The following FBXO30 variants were observed in gnomAD, a reference collection of about 807,000 sequenced individuals.
FBXO30 encodes F-box only protein 30.
Under a neutral mutation model 58.1 loss-of-function variants are expected in FBXO30, and 21 were observed. That is an observed-to-expected ratio of 0.36 (90% confidence interval 0.26 to 0.52). FBXO30 has a LOEUF of 0.52. Among genes scored for constraint, FBXO30 ranks in the 20% least tolerant of loss-of-function variants. The pLI, the probability that FBXO30 is intolerant of heterozygous loss-of-function variation, is 0.93. For synonymous variants in FBXO30, 309 were observed against 312.4 expected (o/e 0.99, Z 0.11); for missense variants, 744 against 897.3 (o/e 0.83, Z 2.18).
rs1336561809 is a variant in FBXO30 at position 145,811,054 on chromosome 6, T to C, written c.-17+3549A>G. Reference sequence around the variant, plus strand: ...AATACTAGTGACAACTCTAAGTAAGTCATCATTCTGTATAATATCTATTTC... The same window carrying C: ...AATACTAGTGACAACTCTAAGTAAGCCATCATTCTGTATAATATCTATTTC... On this transcript the variant is annotated intron_variant, in intron 1 of 2. Coordinates refer to ENST00000237281, the MANE Select transcript of FBXO30 (RefSeq NM_032145.5). Among the ~76,000 whole-genome samples, 3 of 152,208 alleles carry C rather than the reference T, an allele frequency of 2.0e-5. No individual in the cohort carries two copies. The East Asian group carries it at 5.8e-4, about 29-fold the overall frequency.
Position 145,797,630 on chromosome 6 carries a change from C to G in FBXO30, c.*2476G>C, listed in dbSNP as rs1480988794. On this transcript the variant is annotated 3_prime_UTR_variant, in exon 3 of 3. Coordinates refer to ENST00000237281, the MANE Select transcript of FBXO30 (RefSeq NM_032145.5). ...TGGTCCAAGGACCACACTTTAGGAACCACTGCTGTAAGATCTGTGAGTCTC... is the reference window on the plus strand; with the variant it reads ...TGGTCCAAGGACCACACTTTAGGAAGCACTGCTGTAAGATCTGTGAGTCTC... 6.6e-6 allele frequency: 1 copy of G among 151,914 alleles called. No individual in the cohort carries two copies. Among genetic ancestry groups the G allele is most frequent in the Non-Finnish European group, 1.5e-5 (1 of 67,936 alleles). The allele number at this position is 151,914 out of a possible 1,614,324, so 9.4% of individuals were successfully genotyped here. A position where few individuals can be genotyped will look rare whatever the true frequency, so the allele number is the denominator to read the frequency against.
chr6:145,799,443 G>A lies in FBXO30; in HGVS notation c.*663C>T, dbSNP rs937985893. 6.6e-6 allele frequency: 1 copy of A among 151,996 alleles called. No homozygotes were observed. The highest frequency in any genetic ancestry group is 2.4e-5 in the African/African-American group (1 of 41,352). 9.4% of individuals were successfully genotyped at this position (151,996 alleles called of 1,614,324 possible). A position where few individuals can be genotyped will look rare whatever the true frequency, so the allele number is the denominator to read the frequency against. On this transcript the variant is annotated 3_prime_UTR_variant, in exon 3 of 3. Transcript: ENST00000237281. ...ATATAACACACTGCGATGAGTCTTCGGATGTGGCATCTAACAAAAAAGAAA... is the reference window on the plus strand; with the variant it reads ...ATATAACACACTGCGATGAGTCTTCAGATGTGGCATCTAACAAAAAAGAAA...
rs947576848 is a variant in FBXO30, at chr6:145,796,024, C to T, written c.*4082G>A. On this transcript the variant is annotated 3_prime_UTR_variant, in exon 3 of 3. Transcript: ENST00000237281. ...ATCCTAGGCAACATTTTCCAAATTT[C>T]CTTACATCTAAACATCTCTTTTCTT... The T allele has an allele frequency of 7.2e-5, 11 of 151,924 alleles. No homozygotes were observed. The East Asian group carries it at 1.2e-3, about 16-fold the overall frequency. 9.4% of individuals were successfully genotyped at this position (151,924 alleles called of 1,614,324 possible).
At position 145,797,958 on chromosome 6, in the gene FBXO30, C is replaced by T. The variant is rs929013940; in HGVS notation, c.*2148G>A. On this transcript the variant is annotated 3_prime_UTR_variant, in exon 3 of 3. Transcript: ENST00000237281. Reference sequence around the variant, plus strand: ...AGAAACTCTTCCGCCTTTCAGTGCACCTAGGTGGTATTACTTTCGAGACAC... The same window carrying T: ...AGAAACTCTTCCGCCTTTCAGTGCATCTAGGTGGTATTACTTTCGAGACAC... 14 of 151,928 alleles carry T rather than the reference C, an allele frequency of 9.2e-5. No homozygotes were observed. Among genetic ancestry groups the T allele is most frequent in the Admixed American group, 8.5e-4 (13 of 15,230 alleles). 9.4% of individuals were successfully genotyped at this position (151,928 alleles called of 1,614,324 possible).
rs777990597 is a variant in FBXO30, at chr6:145,805,882, T to G, written c.524A>C (p.Asp175Ala). The G allele has an allele frequency of 1.1e-5, 17 of 1,613,940 alleles. No homozygotes were observed. The South Asian group carries it at 1.9e-4, about 18-fold the overall frequency. Residue 175 changes from aspartate to alanine, a missense_variant, in exon 2 of 3, where the codon GAT (aspartate) becomes GCT (alanine). Asp to Ala is a moderately radical substitution (Grantham distance 126, BLOSUM62 -2). Coordinates refer to ENST00000237281, the MANE Select transcript of FBXO30 (RefSeq NM_032145.5). ...ATAAAGTGCACCATAAGATTCTTCA[T>G]CAACAGACACTAAACCATTAGCATG... ...IPHANGLVSVDEESYGALYQA... is the reference protein window; with the variant it reads ...IPHANGLVSVAEESYGALYQA...
At position 145,794,583 on chromosome 6, in the gene FBXO30, TAC is replaced by T. The variant is rs1375989064; in HGVS notation, c.*5521_*5522del. ...TGTTCTCTCCATATTTTATTTAAAA[TAC>T]AGATTTTTTAAAAAGTCATCAATTG... On this transcript the variant is annotated 3_prime_UTR_variant, in exon 3 of 3. Coordinates refer to ENST00000237281, the MANE Select transcript of FBXO30 (RefSeq NM_032145.5). The T allele has an allele frequency of 1.3e-5, 2 of 151,902 alleles. No homozygotes were observed. Among genetic ancestry groups the T allele is most frequent in the African/African-American group, 4.8e-5 (2 of 41,424 alleles). 9.4% of individuals were successfully genotyped at this position (151,902 alleles called of 1,614,324 possible).
rs923026677 is a variant in FBXO30 at position 145,804,577 on chromosome 6, T to C, written c.1829A>G (p.Asn610Ser). 10 of 1,613,700 alleles carry C rather than the reference T, an allele frequency of 6.2e-6. No individual in the cohort carries two copies. Among genetic ancestry groups the C allele is most frequent in the Non-Finnish European group, 5.9e-6 (7 of 1,179,838 alleles). Residue 610 changes from asparagine to serine, a missense_variant, in exon 2 of 3, where the codon AAT (asparagine) becomes AGT (serine). Physicochemically the swap from Asn to Ser is conservative, Grantham distance 46 (BLOSUM62 1). Around this residue, in one of 3 missense-constraint regions of FBXO30, gnomAD observed 334 missense variants for 433.7 expected, o/e 0.77. Transcript: ENST00000237281. ...PARNCVLGLH[N>S]DHLSSLPFEV... is the part of the protein sequence containing the mutation. ...AAAAGGAAGACTACTTAGATGGTCATTATGTAATCCCAACACACAGTTTCT... is the reference window on the plus strand; with the variant it reads ...AAAAGGAAGACTACTTAGATGGTCACTATGTAATCCCAACACACAGTTTCT...
Position 145,804,594 on chromosome 6 carries a change from A to G in FBXO30, c.1812T>C (p.Cys604=), listed in dbSNP as rs551599338. Reference sequence around the variant, plus strand: ...GATGGTCATTATGTAATCCCAACACACAGTTTCTAGCAGGCTCCACTAATA... The same window carrying G: ...GATGGTCATTATGTAATCCCAACACGCAGTTTCTAGCAGGCTCCACTAATA... ...STVLVEPARN[C]VLGLHNDHLS... The change falls in exon 2 of 3, where the codon TGT becomes TGC. Residue 604 remains cysteine (C), a synonymous_variant. Transcript: ENST00000237281. 2 of 1,613,746 alleles carry G rather than the reference A, an allele frequency of 1.2e-6. No homozygotes were observed. The highest frequency in any genetic ancestry group is 2.7e-5 in the African/African-American group (2 of 74,980).
Position 145,805,941 on chromosome 6 carries a change from T to A in FBXO30, c.465A>T (p.Gln155His), listed in dbSNP as rs1778154673. The change falls in exon 2 of 3, where the codon CAA becomes CAT. Residue 155 changes from glutamine (Q) to histidine (H), a missense_variant. Transcript: ENST00000237281. ...CTGGGACACTTGATTTAACTGAGAT[T>A]TGTTCTCTAGGTTTGGATACTTTAT... Reference protein sequence around the residue: ...ATDKVSKPREQISVKSSVPEI... With the variant: ...ATDKVSKPREHISVKSSVPEI... 1 of 1,613,928 alleles carries A rather than the reference T, an allele frequency of 6.2e-7. No homozygotes were observed. Among genetic ancestry groups the A allele is most frequent in the African/African-American group, 1.3e-5 (1 of 74,928 alleles).
chr6:145,805,606 C>A lies in FBXO30; in HGVS notation c.800G>T (p.Ser267Ile). 6.2e-7 allele frequency: 1 copy of A among 1,613,984 alleles called. No homozygotes were observed. Among genetic ancestry groups the A allele is most frequent in the Non-Finnish European group, 8.5e-7 (1 of 1,179,942 alleles). The change falls in exon 2 of 3, where the codon AGT becomes ATT. Residue 267 changes from serine (S) to isoleucine (I), a missense_variant. Physicochemically the swap from Ser to Ile is moderately radical, Grantham distance 142. This residue lies in a region of FBXO30 where 275 missense variants were observed against 262.0 expected (regional missense o/e 1.05). Transcript: ENST00000237281. Reference sequence around the variant, plus strand: ...TGTATTCAAGTCACATAATAAATCACTTGAACCATTTTGTTCAGACTGGGC... The same window carrying A: ...TGTATTCAAGTCACATAATAAATCAATTGAACCATTTTGTTCAGACTGGGC... Reference protein sequence around the residue: ...QNAQSEQNGSSDLLCDLNTSS... With the variant: ...QNAQSEQNGSIDLLCDLNTSS...
At position 145,797,522 on chromosome 6, in the gene FBXO30, C is replaced by T. The variant is rs1291769633; in HGVS notation, c.*2584G>A. The stretch of plus-strand genomic sequence containing the variant: ...GTTAAAACAGATTGTTGGGTCCCAC[C>T]CCAGAGTTCCTGATTCACTAAGTCT... On this transcript the variant is annotated 3_prime_UTR_variant, in exon 3 of 3. Transcript: ENST00000237281. 1 of 151,942 alleles carries T rather than the reference C, an allele frequency of 6.6e-6. No individual in the cohort carries two copies. Among genetic ancestry groups the T allele is most frequent in the Non-Finnish European group, 1.5e-5 (1 of 67,910 alleles). The allele number at this position is 151,942 out of a possible 1,614,324, so 9.4% of individuals were successfully genotyped here.
rs1485098204 is a variant in FBXO30, at chr6:145,794,760, T to A, written c.*5346A>T. 1.3e-5 allele frequency: 2 copies of A among 151,802 alleles called. No individual in the cohort carries two copies. Among genetic ancestry groups the A allele is most frequent in the Non-Finnish European group, 1.5e-5 (1 of 67,782 alleles). The allele number at this position is 151,802 out of a possible 1,614,324, so 9.4% of individuals were successfully genotyped here. ...GATACTTGTTAGATTCAGCAATACT[T>A]GCTGATTTTTGAAGAAAAAAATGAA... On this transcript the variant is annotated 3_prime_UTR_variant, in exon 3 of 3. Transcript: ENST00000237281.
In FBXO30 at chr6:145,804,553, A is replaced by G; in HGVS notation, c.1853T>C (p.Phe618Ser). 1.2e-6 allele frequency: 2 copies of G among 1,613,764 alleles called. No homozygotes were observed. Among genetic ancestry groups the G allele is most frequent in the East Asian group, 2.2e-5 (1 of 44,874 alleles). The change falls in exon 2 of 3, where the codon TTT becomes TCT. Residue 618 changes from phenylalanine (F) to serine (S), a missense_variant. By Grantham distance (155) the Phe-to-Ser change is radical. Around this residue, in one of 3 missense-constraint regions of FBXO30, gnomAD observed 334 missense variants for 433.7 expected, o/e 0.77. Transcript: ENST00000237281. Reference sequence around the variant, plus strand: ...GCCTGCAATATGCTGCAGGACCTCAAAAGGAAGACTACTTAGATGGTCATT... The same window carrying G: ...GCCTGCAATATGCTGCAGGACCTCAGAAGGAAGACTACTTAGATGGTCATT... ...LHNDHLSSLP[F>S]EVLQHIAGFL...
Position 145,795,570 on chromosome 6 carries a change from A to T in FBXO30, c.*4536T>A, listed in dbSNP as rs938663824. 2 of 151,950 alleles carry T rather than the reference A, an allele frequency of 1.3e-5. No homozygotes were observed. The highest frequency in any genetic ancestry group is 1.3e-4 in the Admixed American group (2 of 15,232). The allele number at this position is 151,950 out of a possible 1,614,324, so 9.4% of individuals were successfully genotyped here. Reference sequence around the variant, plus strand: ...ATCAAAAAGATTGAAAATTATTTTTAAAAAAGGACTTTGCATCAATGAATT... The same window carrying T: ...ATCAAAAAGATTGAAAATTATTTTTTAAAAAGGACTTTGCATCAATGAATT... On this transcript the variant is annotated 3_prime_UTR_variant, in exon 3 of 3. Coordinates refer to ENST00000237281, the MANE Select transcript of FBXO30 (RefSeq NM_032145.5).
In FBXO30 at chr6:145,798,304, G is replaced by A. The variant is rs545013055; in HGVS notation, c.*1802C>T. 47 of 152,154 alleles carry A rather than the reference G, an allele frequency of 3.1e-4. No individual in the cohort carries two copies. Among genetic ancestry groups the A allele is most frequent in the African/African-American group, 1.1e-3 (46 of 41,544 alleles). The allele number at this position is 152,154 out of a possible 1,614,324, so 9.4% of individuals were successfully genotyped here. On this transcript the variant is annotated 3_prime_UTR_variant, in exon 3 of 3. Transcript: ENST00000237281. Reference sequence around the variant, plus strand: ...ATAACAAAAAAGAGAACAGCAAAATGTGTAAAAGAAATATAAGGTGGAAAA... The same window carrying A: ...ATAACAAAAAAGAGAACAGCAAAATATGTAAAAGAAATATAAGGTGGAAAA...
In FBXO30 at chr6:145,804,774, A is replaced by C; in HGVS notation, c.1632T>G (p.His544Gln). The C allele has an allele frequency of 1.2e-6, 2 of 1,614,026 alleles. No individual in the cohort carries two copies. Among genetic ancestry groups the C allele is most frequent in the Non-Finnish European group, 1.7e-6 (2 of 1,179,916 alleles). ...SHFKNVHGDI[H>Q]AGLNGWMEQR... is the part of the protein sequence containing the mutation. ...GTTCCATCCAGCCATTGAGTCCAGC[A>C]TGAATGTCACCATGCACATTCTTAA... The change falls in exon 2 of 3, where the codon CAT becomes CAG. Residue 544 changes from histidine (H) to glutamine (Q), a missense_variant. This residue lies in a region of FBXO30 where 334 missense variants were observed against 433.7 expected (regional missense o/e 0.77). Coordinates refer to ENST00000237281, the MANE Select transcript of FBXO30 (RefSeq NM_032145.5).
At chr6:145,807,892 C>T in intron 1 of FBXO30, among the ~76,000 whole-genome samples, 1 of 151,874 alleles carries the variant, frequency 6.6e-6, no homozygotes, top group East Asian at 1.9e-4. Context: ...CTTTGGGAGG[C>T]CAACATAGGA....
At chr6:145,806,492 T>C (rs1778172940) in intron 1 of FBXO30, 71 bp from the exon 2 acceptor site, 1 of 1,113,250 alleles carries the variant, frequency 9.0e-7, no homozygotes, top group South Asian at 1.4e-5. Context: ...TGTTTAATAA[T>C]TAAATCACTA....
chr6:145,800,257 T>C lies in FBXO30; in HGVS notation c.2087A>G (p.Asp696Gly). The C allele has an allele frequency of 2.5e-6, 4 of 1,612,968 alleles. No homozygotes were observed. In the African/African-American group the frequency reaches 5.3e-5, roughly 22 times the overall value. ...CAAGTGGTCTGCCATGCTTAGGATG[T>C]CAGCAAATTTCCATTCATTAACAGA... ...FCSVNEWKFA[D>G]ILSMADHLKK... The change falls in exon 3 of 3, where the codon GAC becomes GGC. Residue 696 changes from aspartate (D) to glycine (G), a missense_variant. Physicochemically the swap from Asp to Gly is moderately conservative, Grantham distance 94 (BLOSUM62 -1). This residue lies in a region of FBXO30 where 334 missense variants were observed against 433.7 expected (regional missense o/e 0.77). Coordinates refer to ENST00000237281, the MANE Select transcript of FBXO30 (RefSeq NM_032145.5).
Sources: gnomAD v4.1 joint callset for allele counts (sites outside exome capture counted in the v4.1 genomes callset) on GRCh38, gnomAD v4.1.1 for gene constraint, gnomAD v4.1.1 regional missense constraint, MANE v1.5 for transcripts, NCBI Gene and HGNC (gene_info 2026-07-23, HGNC 2026-07-21) for gene names.